RBMS3: variants seen among roughly 807,000 people sequenced by gnomAD.
RBMS3 encodes the protein RNA binding motif single stranded interacting protein 3, also known as RNA-binding motif, single-stranded-interacting protein 3.
In RBMS3, 27 loss-of-function variants were observed where a neutral mutation model predicts 66.8. The observed-to-expected ratio is 0.40, with a 90% CI of 0.30 to 0.56. RBMS3 has a LOEUF of 0.56. RBMS3 is among the 20% of genes least tolerant of loss of function. The pLI is 0.40. For missense variants in RBMS3, 513 were observed against 549.5 expected, an observed-to-expected ratio of 0.93 and a Z score of 0.66; for synonymous variants, 188 against 183.0, an observed-to-expected ratio of 1.03 and a Z score of -0.22.
Position 29,997,322 on chromosome 3 carries a change from C to T in RBMS3, c.1307+6113C>T, listed in dbSNP as rs954282316. Among the ~76,000 whole-genome samples the T allele has an allele frequency of 8.6e-5, 13 of 151,154 alleles. No individual in the cohort carries two copies. In the East Asian group the frequency reaches 1.6e-3, roughly 18 times the overall value. ...GTCCAGGATCACATGGATTCACAGC[C>T]GAATTCTACCAGAGGTACAAGGAGG... On this transcript the variant is annotated intron_variant, in intron 14 of 14. Transcript: ENST00000383767.
At chr3:29,422,396 C>CCAA (rs547590977) in intron 1 of RBMS3, among the ~76,000 whole-genome samples, 8 of 130,778 alleles carry the variant, frequency 6.1e-5, no homozygotes, top group African/African-American at 2.3e-4. Flanking sequence ...ATCACCAGCC[C>CCAA]AAAAAAAAAA....
Position 29,281,600 on chromosome 3 carries a change from T to C in RBMS3, c.-82T>C, listed in dbSNP as rs1251501332. The C allele has an allele frequency of 9.1e-7, 1 of 1,098,974 alleles. No homozygotes were observed. The highest frequency in any genetic ancestry group is 2.4e-5 in the East Asian group (1 of 41,984). 68.1% of individuals were successfully genotyped at this position (1,098,974 alleles called of 1,614,324 possible). The stretch of plus-strand genomic sequence containing the variant: ...CATCAGTCACCGGGACTGTCAGGAA[T>C]AGTGGTTTAAGAGGAAGCTCGGCCT... On this transcript the variant is annotated 5_prime_UTR_variant, in exon 1 of 15. Transcript: ENST00000383767.
chr3:29,565,000 A>G (rs2046692151), intron 3 of RBMS3, among the ~76,000 whole-genome samples: 1 of 152,166 alleles, frequency 6.6e-6, no homozygotes, highest in African/African-American at 2.4e-5. Flanking sequence ...AGATTTTTTC[A>G]TCCTTTCCTT....
chr3:29,609,883 A>T (rs1425557659), intron 4 of RBMS3, among the ~76,000 whole-genome samples: 1 of 152,030 alleles, frequency 6.6e-6, no homozygotes, highest in East Asian at 1.9e-4. Flanking sequence ...AGGGAAACAG[A>T]TTATTATTGA....
chr3:29,378,860 C>T (rs964923958), intron 1 of RBMS3, among the ~76,000 whole-genome samples: 1 of 151,942 alleles, frequency 6.6e-6, no homozygotes, highest in Non-Finnish European at 1.5e-5. Flanking sequence ...TATATAAAAC[C>T]AAAATGCATT....
At chr3:29,587,996 A>T (rs1559491493) in intron 4 of RBMS3, among the ~76,000 whole-genome samples, 1 of 152,028 alleles carries the variant, frequency 6.6e-6, no homozygotes, top group South Asian at 2.1e-4. Context: ...CTATATATAC[A>T]TATTGCGCCA....
At chr3:29,561,645 G>A (rs1347586665) in intron 3 of RBMS3, among the ~76,000 whole-genome samples, 1 of 152,128 alleles carries the variant, frequency 6.6e-6, no homozygotes, top group African/African-American at 2.4e-5. Flanking sequence ...TAGAGATGGG[G>A]TTTCACCGTG....
intron 10 of RBMS3, among the ~76,000 whole-genome samples, chr3:29,928,193 T>C (rs908680910): frequency 5.2e-5 from 5 of 96,866 alleles, no homozygotes; most frequent in Non-Finnish European, 1.1e-4. Flanking sequence ...TATATATATA[T>C]ATATATATAT....
At chr3:29,701,443 G>A (rs866449817) in intron 4 of RBMS3, among the ~76,000 whole-genome samples, 39 of 152,296 alleles carry the variant, frequency 2.6e-4, no homozygotes, top group African/African-American at 7.9e-4. Flanking sequence ...GCTCGCCCTC[G>A]GTGCCTCCTC....
rs1001646271 is a variant in RBMS3 at position 29,988,330 on chromosome 3, C to T, written c.1179+107C>T. 2.7e-4 allele frequency: 224 copies of T among 840,384 alleles called. 7 individuals carry two copies. In the South Asian group the frequency reaches 3.5e-3, roughly 13 times the overall value. 52.1% of individuals were successfully genotyped at this position (840,384 alleles called of 1,614,324 possible). A position where few individuals can be genotyped will look rare whatever the true frequency, so the allele number is the denominator to read the frequency against. On this transcript the variant is annotated intron_variant, in intron 13 of 14. Transcript: ENST00000383767. ...ATCCTCACTTGCAATTTTTGTGCTA[C>T]TCTAAAATATGACATTGTAAATTCA...
intron 2 of RBMS3, among the ~76,000 whole-genome samples, chr3:29,457,131 C>G (rs1226914566): frequency 1.3e-5 from 2 of 152,164 alleles, no homozygotes; most frequent in East Asian, 3.9e-4. Context: ...TCACTCAAAT[C>G]AGTAATCTGG....
At chr3:29,484,959 C>T (rs1363816317) in intron 2 of RBMS3, among the ~76,000 whole-genome samples, 1 of 152,070 alleles carries the variant, frequency 6.6e-6, no homozygotes, top group Non-Finnish European at 1.5e-5. Flanking sequence ...CAGTCTCTGC[C>T]TGTATTTTTT....
Position 30,003,858 on chromosome 3 carries a change from C to T in RBMS3, c.1310C>T (p.Pro437Leu). ...CTCTTATTCAATTGTTTTCACAGAC[C>T]ATAAACAGGACTGAAGAATGTCTGT... ...APAYSYQQSKP is the reference protein window; with the variant it reads ...APAYSYQQSKL Residue 437 changes from proline (P) to leucine (L), a missense_variant and splice_region_variant, in exon 15 of 15, where the codon CCA (proline) becomes CTA (leucine). Transcript: ENST00000383767. 6.9e-7 allele frequency: 1 copy of T among 1,448,386 alleles called. No homozygotes were observed. 89.7% of individuals were successfully genotyped at this position (1,448,386 alleles called of 1,614,324 possible).
intron 1 of RBMS3, among the ~76,000 whole-genome samples, chr3:29,400,391 G>A (rs777158223): frequency 2.0e-5 from 3 of 151,978 alleles, no homozygotes; most frequent in Admixed American, 6.6e-5. Context: ...GAGACAAAAA[G>A]TAGAAGAGCA....
intron 4 of RBMS3, among the ~76,000 whole-genome samples, chr3:29,729,484 A>G (rs763907818): frequency 5.3e-5 from 8 of 152,078 alleles, no homozygotes; most frequent in Admixed American, 3.9e-4. Context: ...ATGATTTATA[A>G]TCTTTTGGGT....
chr3:29,472,059 C>T (rs2042747573), intron 2 of RBMS3, among the ~76,000 whole-genome samples: 1 of 151,956 alleles, frequency 6.6e-6, no homozygotes, highest in Non-Finnish European at 1.5e-5. Context: ...TGAAAAGTAA[C>T]AAGTAGATAG....
intron 4 of RBMS3, among the ~76,000 whole-genome samples, chr3:29,711,869 T>G (rs1469385375): frequency 4.6e-5 from 7 of 152,190 alleles, no homozygotes. Flanking sequence ...AACTACATTA[T>G]TTACCAATAT....
At position 29,988,208 on chromosome 3, in the gene RBMS3, A is replaced by G; in HGVS notation, c.1164A>G (p.Thr388=). 6.2e-7 allele frequency: 1 copy of G among 1,610,652 alleles called. No individual in the cohort carries two copies. Among genetic ancestry groups the G allele is most frequent in the Non-Finnish European group, 8.5e-7 (1 of 1,177,158 alleles). ...YIPQYTPVPP[T]AVSIEGVVAD... Reference sequence around the variant, plus strand: ...CTCAGTACACGCCTGTGCCTCCGACAGCTGTTTCTATTGAAGTAAGTCTAC... The same window carrying G: ...CTCAGTACACGCCTGTGCCTCCGACGGCTGTTTCTATTGAAGTAAGTCTAC... The change falls in exon 13 of 15, where the codon ACA becomes ACG. Residue 388 remains threonine (T), a synonymous_variant. Transcript: ENST00000383767.
chr3:29,695,567 C>CT (rs2052231502), intron 4 of RBMS3, among the ~76,000 whole-genome samples: 1 of 152,012 alleles, frequency 6.6e-6, no homozygotes, highest in African/African-American at 2.4e-5. Flanking sequence ...CATTTTTTCC[C>CT]CTTTTTTTCT....
Sources: allele counts gnomAD v4.1 joint callset (sites outside exome capture counted in the v4.1 genomes callset), GRCh38; gene constraint gnomAD v4.1.1; transcripts MANE v1.5; gene names NCBI Gene and HGNC (gene_info 2026-07-23, HGNC 2026-07-21).